Variants in ENAH observed in about 807,000 individuals in gnomAD.
ENAH encodes ENAH actin regulator, also known as protein enabled homolog.
In ENAH, 23 loss-of-function variants were observed where a neutral mutation model predicts 78.7. That is an observed-to-expected ratio of 0.29 (90% confidence interval 0.21 to 0.41). ENAH has a LOEUF of 0.41. Among genes scored for constraint, ENAH ranks in the 10% least tolerant of loss-of-function variants. The probability of loss-of-function intolerance (pLI) is 1.00; values close to 1 mark genes in which losing one functional copy is unlikely to be tolerated. For missense variants in ENAH, 544 were observed against 691.0 expected, an observed-to-expected ratio of 0.79 and a Z score of 2.39; for synonymous variants, 226 against 241.0, an observed-to-expected ratio of 0.94 and a Z score of 0.58.
At chr1:225,552,889 G>C (rs2096648090) in intron 3 of ENAH, among the ~76,000 whole-genome samples, 1 of 152,096 alleles carries the variant, frequency 6.6e-6, no homozygotes. Context: ...TTACAATAGA[G>C]AATGTAATTG....
intron 1 of ENAH, among the ~76,000 whole-genome samples, chr1:225,581,736 C>T (rs1477467854): frequency 6.6e-6 from 1 of 152,038 alleles, no homozygotes; most frequent in Admixed American, 6.6e-5. Flanking sequence ...CTCCGTCACC[C>T]AGGCTGGAGT....
At chr1:225,598,314 A>G (rs1256398786) in intron 1 of ENAH, among the ~76,000 whole-genome samples, 1 of 152,116 alleles carries the variant, frequency 6.6e-6, no homozygotes, top group Non-Finnish European at 1.5e-5. Flanking sequence ...GAAAAATAGA[A>G]GAAGAAAGTG....
At chr1:225,521,288 G>A (rs1203733515) in intron 4 of ENAH, among the ~76,000 whole-genome samples, 1 of 152,032 alleles carries the variant, frequency 6.6e-6, no homozygotes. Flanking sequence ...AGGTGAAAAG[G>A]TATGAATTTA....
chr1:225,570,972 T>C (rs1017986257), intron 1 of ENAH, among the ~76,000 whole-genome samples: 4 of 152,062 alleles, frequency 2.6e-5, no homozygotes, highest in Non-Finnish European at 5.9e-5. Context: ...TCAAAAAGAA[T>C]ATGGTATAAA....
chr1:225,552,589 G>GT (rs967420052), intron 3 of ENAH, among the ~76,000 whole-genome samples: 12 of 151,816 alleles, frequency 7.9e-5, no homozygotes, highest in Non-Finnish European at 1.3e-4. Flanking sequence ...ATTCTATATG[G>GT]TTTTTTTTCC....
intron 5 of ENAH, chr1:225,517,760 G>C: frequency 6.4e-7 from 1 of 1,551,232 alleles, no homozygotes. Context: ...GGAAGAACAG[G>C]GTGGAAGGCT....
chr1:225,567,537 T>A, intron 1 of ENAH, 123 bp from the exon 2 acceptor site: 2 of 955,798 alleles, frequency 2.1e-6, no homozygotes, highest in Non-Finnish European at 3.0e-6. Flanking sequence ...CTGGAAACAA[T>A]AATGGACAAG....
At chr1:225,514,958 T>C (rs2096406473) in intron 6 of ENAH, 58 bp from the exon 7 acceptor site, 3 of 1,417,400 alleles carry the variant, frequency 2.1e-6, no homozygotes, top group Non-Finnish European at 3.0e-6. Context: ...GATATTATTT[T>C]ATGTGGGAAG....
At chr1:225,634,615 ACT>A (rs1238258847) in intron 1 of ENAH, among the ~76,000 whole-genome samples, 4 of 152,094 alleles carry the variant, frequency 2.6e-5, no homozygotes, top group African/African-American at 9.7e-5. Context: ...AAAACACTAA[ACT>A]CTCTTTGAAA....
intron 2 of ENAH, among the ~76,000 whole-genome samples, chr1:225,560,624 TGGGACTATAGGCACAA>T (rs1252872717): frequency 6.6e-6 from 1 of 152,228 alleles, no homozygotes; most frequent in African/African-American, 2.4e-5. Flanking sequence ...CCCAAATAGC[TGGGACTATAGGCACAA>T]GCCACTGTGC....
At chr1:225,561,235 CAA>C (rs1281819877) in intron 2 of ENAH, among the ~76,000 whole-genome samples, 2 of 149,556 alleles carry the variant, frequency 1.3e-5, no homozygotes, top group African/African-American at 4.9e-5. Context: ...GTCTCAAAAA[CAA>C]AAACAAATTT....
At position 225,519,179 on chromosome 1, in the gene ENAH, G is replaced by A; in HGVS notation, c.802+19C>T. 6.2e-7 allele frequency: 1 copy of A among 1,609,836 alleles called. No homozygotes were observed. Among genetic ancestry groups the A allele is most frequent in the South Asian group, 1.1e-5 (1 of 90,820 alleles). ...CAAGCTCAGATACAAGAACACAGAA[G>A]AGTTTGTAAACTTCTTACCAGCACT... On this transcript the variant is annotated intron_variant, in intron 5 of 13. Transcript: ENST00000366843.
Position 225,500,974 on chromosome 1 carries a change from C to A in ENAH, c.1617+18G>T, listed in dbSNP as rs2096279269. ...AGAAACAAGTACAAATAAAGGAAAG[C>A]TGCCACTGAGCACCCACCTGCTTCA... On this transcript the variant is annotated intron_variant, in intron 12 of 13. Transcript: ENST00000366843. 1.2e-6 allele frequency: 2 copies of A among 1,610,028 alleles called. No homozygotes were observed. Among genetic ancestry groups the A allele is most frequent in the East Asian group, 2.2e-5 (1 of 44,876 alleles).
intron 1 of ENAH, 109 bp from the exon 2 acceptor site, chr1:225,567,523 G>C (rs886418181): frequency 1.1e-5 from 12 of 1,099,800 alleles, no homozygotes; most frequent in East Asian, 5.3e-5. Context: ...GCTGTTATTG[G>C]GTGCTGGAAA....
chr1:225,556,159 G>C (rs955729197), intron 2 of ENAH, among the ~76,000 whole-genome samples: 5 of 152,088 alleles, frequency 3.3e-5, no homozygotes, highest in African/African-American at 1.2e-4. Context: ...ATTAAAAATT[G>C]CGATGTTATG....
chr1:225,543,119 A>C (rs989355453), intron 3 of ENAH, among the ~76,000 whole-genome samples: 3 of 152,130 alleles, frequency 2.0e-5, no homozygotes, highest in African/African-American at 7.2e-5. Flanking sequence ...AACCCACTCT[A>C]CCATCTTCCT....
At chr1:225,640,760 A>G (rs554049099) in intron 1 of ENAH, among the ~76,000 whole-genome samples, 1 of 152,324 alleles carries the variant, frequency 6.6e-6, no homozygotes, top group East Asian at 1.9e-4. Context: ...TAAGTACTCA[A>G]TAACAGCGAT....
Position 225,514,699 on chromosome 1 carries a change from A to AG in ENAH, c.1114dup (p.Leu372ProfsTer31). On this transcript the variant is annotated frameshift_variant, in exon 7 of 14. Transcript: ENST00000366843. LOFTEE classifies it high-confidence loss of function. Reference sequence around the variant, plus strand: ...TGCCAAAAAGAATCCAGATGCAGGGAGGGGTGGGGCAGGAGGTGGTGGAGG... The same window carrying AG: ...TGCCAAAAAGAATCCAGATGCAGGGAGGGGGTGGGGCAGGAGGTGGTGGAGG... 1.3e-6 allele frequency: 1 copy of AG among 776,494 alleles called. No homozygotes were observed. The highest frequency in any genetic ancestry group is 2.0e-6 in the Non-Finnish European group (1 of 511,696). The allele number at this position is 776,494 out of a possible 1,614,324, so 48.1% of individuals were successfully genotyped here. A position where few individuals can be genotyped will look rare whatever the true frequency, so the allele number is the denominator to read the frequency against.
chr1:225,502,462 A>G (rs902598709), intron 11 of ENAH, among the ~76,000 whole-genome samples: 3 of 152,130 alleles, frequency 2.0e-5, no homozygotes, highest in Non-Finnish European at 4.4e-5. Flanking sequence ...TGCCCACTTC[A>G]GCCTCCCAAA....
Sources: allele counts gnomAD v4.1 joint callset (sites outside exome capture counted in the v4.1 genomes callset), GRCh38; gene constraint gnomAD v4.1.1; transcripts MANE v1.5; gene names NCBI Gene and HGNC (gene_info 2026-07-23, HGNC 2026-07-21).